DOK6: variants seen among roughly 807,000 people sequenced by gnomAD.
The protein encoded by DOK6 is downstream of tyrosine kinase 6.
A neutral mutation model predicts 44.0 loss-of-function variants in DOK6; 22 were observed. That is an observed-to-expected ratio of 0.50 (90% CI 0.36 to 0.71). The LOEUF (loss-of-function observed/expected upper bound fraction) is 0.71, where lower values mean the gene tolerates loss of function less well. Among genes scored for constraint, DOK6 ranks in the 30% least tolerant of loss-of-function variants. The pLI, the probability that DOK6 is intolerant of heterozygous loss-of-function variation, is 0.00. For missense variants in DOK6, 340 were observed against 416.4 expected (o/e 0.82, Z 1.60); for synonymous variants, 166 against 145.5 (o/e 1.14, Z -1.01).
intron 6 of DOK6, among the ~76,000 whole-genome samples, chr18:69,748,247 T>C (rs538293323): frequency 5.7e-4 from 86 of 152,054 alleles, no homozygotes; most frequent in Non-Finnish European, 8.7e-4. Flanking sequence ...ATAAAACCAG[T>C]TCTTAGAGAC....
At chr18:69,409,574 C>G (rs1257161881) in intron 1 of DOK6, among the ~76,000 whole-genome samples, 1 of 152,174 alleles carries the variant, frequency 6.6e-6, no homozygotes, top group African/African-American at 2.4e-5. Flanking sequence ...ACCTCTGCAC[C>G]AGAAGAAGAT....
chr18:69,401,228 G>T lies in DOK6; in HGVS notation c.-17G>T, dbSNP rs747951101. 9 of 1,553,396 alleles carry T rather than the reference G, an allele frequency of 5.8e-6. No individual in the cohort carries two copies. The highest frequency in any genetic ancestry group is 1.9e-5 in the Admixed American group (1 of 52,560). ...GGAGAGCGGATCGCGGGGCGCAGGA[G>T]CCCGATCGCGCTGGCCATGGCCTCC... On this transcript the variant is annotated 5_prime_UTR_variant, in exon 1 of 8. Transcript: ENST00000382713.
chr18:69,674,764 G>C (rs1257962698), intron 3 of DOK6, among the ~76,000 whole-genome samples: 1 of 152,066 alleles, frequency 6.6e-6, no homozygotes, highest in African/African-American at 2.4e-5. Flanking sequence ...TTTCTGCCTA[G>C]CTAGGCTAAC....
chr18:69,457,745 A>G (rs1464756844), intron 1 of DOK6, among the ~76,000 whole-genome samples: 1 of 152,164 alleles, frequency 6.6e-6, no homozygotes, highest in Non-Finnish European at 1.5e-5. Context: ...CATTTTAATG[A>G]TATTGATTCT....
intron 1 of DOK6, among the ~76,000 whole-genome samples, chr18:69,412,492 G>A (rs1168065613): frequency 1.3e-5 from 2 of 152,022 alleles, no homozygotes; most frequent in Admixed American, 6.6e-5. Flanking sequence ...TGATTTCTGG[G>A]CAAGAGAATT....
intron 7 of DOK6, among the ~76,000 whole-genome samples, chr18:69,773,963 A>G (rs1207220940): frequency 2.0e-5 from 3 of 150,874 alleles, no homozygotes; most frequent in Admixed American, 6.7e-5. Flanking sequence ...ATACTTGCAC[A>G]TGTATGTTTA....
At chr18:69,736,568 G>A (rs548165167) in intron 5 of DOK6, among the ~76,000 whole-genome samples, 6 of 152,082 alleles carry the variant, frequency 3.9e-5, no homozygotes, top group East Asian at 3.9e-4. Flanking sequence ...ACAAACACAC[G>A]TCATCCATAT....
At chr18:69,424,201 T>C (rs982228551) in intron 1 of DOK6, among the ~76,000 whole-genome samples, 7 of 152,130 alleles carry the variant, frequency 4.6e-5, no homozygotes, top group South Asian at 2.1e-4. Context: ...TGGGCATAGG[T>C]TGGCCACATA....
At chr18:69,600,433 G>A (rs935583205) in intron 3 of DOK6, among the ~76,000 whole-genome samples, 4 of 151,822 alleles carry the variant, frequency 2.6e-5, no homozygotes, top group East Asian at 1.9e-4. Flanking sequence ...CATCTGTCCC[G>A]GCATATTTCT....
intron 5 of DOK6, among the ~76,000 whole-genome samples, chr18:69,708,740 C>T (rs1160398122): frequency 2.1e-5 from 3 of 145,832 alleles, no homozygotes; most frequent in South Asian, 2.1e-4. Flanking sequence ...GCCGAGATCA[C>T]GCCATTGCAC....
chr18:69,597,457 G>A (rs1426044753), intron 2 of DOK6, among the ~76,000 whole-genome samples: 1 of 152,082 alleles, frequency 6.6e-6, no homozygotes, highest in Admixed American at 6.5e-5. Flanking sequence ...AATGAACTTA[G>A]GGCAAACAGC....
At chr18:69,831,544 CA>C (rs1451428532) in intron 7 of DOK6, among the ~76,000 whole-genome samples, 1 of 152,196 alleles carries the variant, frequency 6.6e-6, no homozygotes, top group African/African-American at 2.4e-5. Flanking sequence ...ACATGAAATA[CA>C]TGCTCAATGA....
intron 1 of DOK6, among the ~76,000 whole-genome samples, chr18:69,431,041 C>T (rs1599127618): frequency 6.6e-6 from 1 of 152,150 alleles, no homozygotes; most frequent in East Asian, 1.9e-4. Flanking sequence ...CATTGACAGC[C>T]TCCACTGTGA....
intron 1 of DOK6, among the ~76,000 whole-genome samples, chr18:69,560,161 A>G (rs1982793485): frequency 6.6e-6 from 1 of 152,104 alleles, no homozygotes. Context: ...CATCTTCATG[A>G]GGTATATTGA....
At chr18:69,567,990 G>C (rs1599197248) in intron 2 of DOK6, among the ~76,000 whole-genome samples, 1 of 152,272 alleles carries the variant, frequency 6.6e-6, no homozygotes, top group Middle Eastern at 3.4e-3. Context: ...AGGGTCAGCA[G>C]CTTCACTCTC....
chr18:69,693,874 C>A (rs1986325617), intron 4 of DOK6, among the ~76,000 whole-genome samples: 1 of 151,156 alleles, frequency 6.6e-6, no homozygotes, highest in African/African-American at 2.4e-5. Flanking sequence ...CTGGCTAACA[C>A]AGTGAAACCC....
At chr18:69,571,849 A>T (rs1052324575) in intron 2 of DOK6, among the ~76,000 whole-genome samples, 1 of 152,060 alleles carries the variant, frequency 6.6e-6, no homozygotes, top group Non-Finnish European at 1.5e-5. Context: ...TATATCAGCA[A>T]GGATATGAGA....
intron 6 of DOK6, among the ~76,000 whole-genome samples, chr18:69,756,952 CTAAA>C (rs1183699310): frequency 1.3e-5 from 2 of 152,180 alleles, no homozygotes; most frequent in Non-Finnish European, 2.9e-5. Context: ...TGTGCCGAGA[CTAAA>C]TAAAACCATT....
chr18:69,572,304 T>C (rs1006744214), intron 2 of DOK6, among the ~76,000 whole-genome samples: 1 of 152,116 alleles, frequency 6.6e-6, no homozygotes, highest in African/African-American at 2.4e-5. Context: ...AACTCATGCA[T>C]GATCTGTGGG....
Sources: gnomAD v4.1 joint callset for allele counts (sites outside exome capture counted in the v4.1 genomes callset) on GRCh38, gnomAD v4.1.1 for gene constraint, MANE v1.5 for transcripts, NCBI Gene and HGNC (gene_info 2026-07-23, HGNC 2026-07-21) for gene names.